Variants in CNTN6 observed in about 807,000 individuals in gnomAD.
CNTN6 encodes the protein contactin 6.
CNTN6 carries 137 observed loss-of-function variants against 122.8 expected under a neutral mutation model. The ratio of observed to expected loss-of-function variants is 1.12; its 90% confidence interval spans 0.97 to 1.29. CNTN6 has a LOEUF of 1.29. Ranked by LOEUF, CNTN6 falls within the 50% of genes most tolerant of loss-of-function variation. The probability of loss-of-function intolerance (pLI) is 0.00; values close to 1 mark genes in which losing one functional copy is unlikely to be tolerated. For missense variants in CNTN6, 1,634 were observed against 1,223.4 expected, an observed-to-expected ratio of 1.34 and a Z score of -5.01; for synonymous variants, 570 against 426.0, an observed-to-expected ratio of 1.34 and a Z score of -4.16.
chr3:1,301,024 C>CTTTTTTTTTTTTTTTTTT (rs562912841), intron 7 of CNTN6, among the ~76,000 whole-genome samples: 1 of 93,276 alleles, frequency 1.1e-5, no homozygotes, highest in African/African-American at 4.3e-5. Flanking sequence ...AGTCCCTAAA[C>CTTTTTTTTTTTTTTTTTT]TTTTTTTTTT....
chr3:1,318,142 A>G (rs906838565), intron 7 of CNTN6, among the ~76,000 whole-genome samples: 2 of 151,662 alleles, frequency 1.3e-5, no homozygotes, highest in African/African-American at 4.8e-5. Flanking sequence ...AAGAAAAAGA[A>G]AGAAAATTCT....
At chr3:1,094,666 A>G (rs1461363381) in intron 1 of CNTN6, among the ~76,000 whole-genome samples, 1 of 152,066 alleles carries the variant, frequency 6.6e-6, no homozygotes, top group East Asian at 1.9e-4. Flanking sequence ...TTAGAAAAGG[A>G]TCACATATTT....
rs772272514 is a variant in CNTN6, at chr3:1,329,905, G to C, written c.1334G>C (p.Arg445Thr). 1 of 1,609,668 alleles carries C rather than the reference G, an allele frequency of 6.2e-7. No individual in the cohort carries two copies. ...CCCAGGGCAGCTATCTCTTGGAAAA[G>C]AGGAACGGAGACCCTTAGACAAAGC... ...AFPRAAISWK[R>T]GTETLRQSKR... The change falls in exon 11 of 23, where the codon AGA becomes ACA. Residue 445 changes from arginine to threonine, a missense_variant. Arg to Thr is a moderately conservative substitution (Grantham distance 71). Coordinates refer to ENST00000446702, the MANE Select transcript of CNTN6 (RefSeq NM_001289080.2).
At chr3:1,348,249 T>C (rs748541562) in intron 11 of CNTN6, among the ~76,000 whole-genome samples, 2 of 150,518 alleles carry the variant, frequency 1.3e-5, no homozygotes, top group African/African-American at 2.5e-5. Flanking sequence ...CGATCATAAG[T>C]AGTTTGTCCT....
At chr3:1,217,467 AC>A (rs1410201134) in intron 2 of CNTN6, among the ~76,000 whole-genome samples, 1 of 152,196 alleles carries the variant, frequency 6.6e-6, no homozygotes, top group Non-Finnish European at 1.5e-5. Flanking sequence ...TAGTTGAGAC[AC>A]CCTCCTACAA....
intron 19 of CNTN6, among the ~76,000 whole-genome samples, chr3:1,384,710 A>G (rs1329401710): frequency 6.9e-6 from 1 of 145,630 alleles, no homozygotes; most frequent in African/African-American, 2.5e-5. Context: ...ACGTATACAT[A>G]TACATACTAT....
intron 6 of CNTN6, among the ~76,000 whole-genome samples, chr3:1,297,155 A>C (rs1363432841): frequency 6.6e-6 from 1 of 152,104 alleles, no homozygotes; most frequent in East Asian, 1.9e-4. Flanking sequence ...TTTATTTCAT[A>C]TATATTTTGT....
At chr3:1,342,199 G>A (rs993749320) in intron 11 of CNTN6, among the ~76,000 whole-genome samples, 6 of 151,926 alleles carry the variant, frequency 3.9e-5, no homozygotes, top group African/African-American at 7.3e-5. Context: ...GCACGATCTC[G>A]GCTCACTGCA....
intron 8 of CNTN6, among the ~76,000 whole-genome samples, chr3:1,324,483 C>T (rs1701271528): frequency 6.7e-6 from 1 of 149,658 alleles, no homozygotes; most frequent in Non-Finnish European, 1.5e-5. Flanking sequence ...TCTGGGTTTT[C>T]TTTGGCTCCT....
chr3:1,269,536 GC>G (rs1366497502), intron 4 of CNTN6, among the ~76,000 whole-genome samples: 7 of 152,278 alleles, frequency 4.6e-5, no homozygotes, highest in Admixed American at 3.9e-4. Flanking sequence ...TTTGAGTCTA[GC>G]CCACATCTAG....
intron 1 of CNTN6, among the ~76,000 whole-genome samples, chr3:1,124,554 G>A: frequency 6.6e-6 from 1 of 151,774 alleles, no homozygotes; most frequent in East Asian, 1.9e-4. Context: ...GATTGGGAGG[G>A]ACCTGAGAGA....
In CNTN6 at chr3:1,339,846, A is replaced by G. The variant is rs566091114; in HGVS notation, c.1364+9911A>G. Among the ~76,000 whole-genome samples, 26 of 152,168 alleles carry G rather than the reference A, an allele frequency of 1.7e-4. 1 individual carries two copies. The highest frequency in any genetic ancestry group is 7.3e-5 in the Non-Finnish European group (5 of 68,032). Reference sequence around the variant, plus strand: ...TTGACTACTCAAGGAATGCTTGGATATACCTAATAACATATATTTTAATTC... The same window carrying G: ...TTGACTACTCAAGGAATGCTTGGATGTACCTAATAACATATATTTTAATTC... On this transcript the variant is annotated intron_variant, in intron 11 of 22. Transcript: ENST00000446702.
intron 2 of CNTN6, among the ~76,000 whole-genome samples, chr3:1,202,643 A>G (rs975339228): frequency 6.6e-6 from 1 of 152,142 alleles, no homozygotes; most frequent in Non-Finnish European, 1.5e-5. Flanking sequence ...CAGGGAAACT[A>G]TTTGTCTTCA....
At chr3:1,345,087 G>A (rs1704468426) in intron 11 of CNTN6, among the ~76,000 whole-genome samples, 1 of 149,980 alleles carries the variant, frequency 6.7e-6, no homozygotes, top group East Asian at 2.0e-4. Context: ...GGTATCAGAT[G>A]TTCTCTGTGT....
chr3:1,133,162 A>G (rs2092384563), intron 1 of CNTN6, among the ~76,000 whole-genome samples: 1 of 152,182 alleles, frequency 6.6e-6, no homozygotes, highest in Non-Finnish European at 1.5e-5. Flanking sequence ...AGTTGAAAGG[A>G]AAGTGGAAGT....
At chr3:1,095,790 C>T (rs2090496287) in intron 1 of CNTN6, among the ~76,000 whole-genome samples, 1 of 152,182 alleles carries the variant, frequency 6.6e-6, no homozygotes, top group Non-Finnish European at 1.5e-5. Context: ...ACCCATACCA[C>T]CTCAATTTAA....
intron 12 of CNTN6, among the ~76,000 whole-genome samples, chr3:1,367,270 C>A (rs1020839998): frequency 6.6e-6 from 1 of 152,030 alleles, no homozygotes; most frequent in African/African-American, 2.4e-5. Flanking sequence ...CCATCTGAAA[C>A]TTAGTACGCT....
At chr3:1,399,242 A>T (rs1389747370) in intron 20 of CNTN6, among the ~76,000 whole-genome samples, 1 of 152,140 alleles carries the variant, frequency 6.6e-6, no homozygotes, top group Non-Finnish European at 1.5e-5. Flanking sequence ...AGTAGACTAG[A>T]TATTAAAATT....
chr3:1,302,927 C>A (rs978987408), intron 7 of CNTN6, among the ~76,000 whole-genome samples: 8 of 121,222 alleles, frequency 6.6e-5, no homozygotes, highest in Admixed American at 5.8e-4. Context: ...TGTCCAAGTT[C>A]TTAATCTTTT....
Sources: gnomAD v4.1 joint callset for allele counts (sites outside exome capture counted in the v4.1 genomes callset) on GRCh38, gnomAD v4.1.1 for gene constraint, MANE v1.5 for transcripts, NCBI Gene and HGNC (gene_info 2026-07-23, HGNC 2026-07-21) for gene names.